MACO1: variants seen among roughly 807,000 people sequenced by gnomAD.
The protein encoded by MACO1 is macoilin.
A neutral mutation model predicts 78.7 loss-of-function variants in MACO1; 14 were observed. That is an observed-to-expected ratio of 0.18 (90% confidence interval 0.12 to 0.28). MACO1 has a LOEUF of 0.28. MACO1 is among the 10% of genes least tolerant of loss of function. The pLI, the probability that MACO1 is intolerant of heterozygous loss-of-function variation, is 1.00. For missense variants in MACO1, 501 were observed against 799.0 expected, an observed-to-expected ratio of 0.63 and a Z score of 4.50; for synonymous variants, 288 against 291.6, an observed-to-expected ratio of 0.99 and a Z score of 0.12.
chr1:25,467,493 A>G (rs2043230021), intron 6 of MACO1, among the ~76,000 whole-genome samples: 2 of 152,208 alleles, frequency 1.3e-5, no homozygotes, highest in South Asian at 4.1e-4. Context: ...CAAAATACTA[A>G]GTGATCCATA....
At chr1:25,497,210 G>A (rs1338569112) in intron 10 of MACO1, among the ~76,000 whole-genome samples, 2 of 151,902 alleles carry the variant, frequency 1.3e-5, no homozygotes, top group African/African-American at 4.8e-5. Context: ...GAGAAACCCC[G>A]TCTCTACTAA....
rs1220404125 is a variant in MACO1, at chr1:25,431,017, G to A, written c.-82G>A. Reference sequence around the variant, plus strand: ...GGCCTCAGGGGTAGAGTCCAGGCCCGACGCGGGGCGGGCCAGCGGCGGCGG... The same window carrying A: ...GGCCTCAGGGGTAGAGTCCAGGCCCAACGCGGGGCGGGCCAGCGGCGGCGG... On this transcript the variant is annotated 5_prime_UTR_variant, in exon 1 of 11. Coordinates refer to ENST00000374343, the MANE Select transcript of MACO1 (RefSeq NM_018202.6). The A allele has an allele frequency of 2.8e-6, 3 of 1,067,658 alleles. No homozygotes were observed. Among genetic ancestry groups the A allele is most frequent in the Non-Finnish European group, 3.7e-6 (3 of 802,858 alleles). The allele number at this position is 1,067,658 out of a possible 1,614,324, so 66.1% of individuals were successfully genotyped here. A position where few individuals can be genotyped will look rare whatever the true frequency, so the allele number is the denominator to read the frequency against.
chr1:25,486,054 G>A (rs1460331793), intron 8 of MACO1, among the ~76,000 whole-genome samples: 1 of 152,176 alleles, frequency 6.6e-6, no homozygotes, highest in Non-Finnish European at 1.5e-5. Flanking sequence ...GGGAGGCAAA[G>A]TACTGCTCAT....
In MACO1 at chr1:25,448,815, C is replaced by A; in HGVS notation, c.230C>A (p.Ser77Ter). Residue 77 changes from serine to a stop codon, truncating the protein, a stop_gained, in exon 3 of 11, where the codon TCA becomes TAA. Coordinates refer to ENST00000374343, the MANE Select transcript of MACO1 (RefSeq NM_018202.6). LOFTEE classifies it high-confidence loss of function. ...DSFRYQGLAF[S>*]VFFVCVAFTS... ...TTTTATTTTTCCCTTTAGGCCTTCT[C>A]AGTATTTTTTGTTTGTGTAGCATTC... 1 of 1,542,254 alleles carries A rather than the reference C, an allele frequency of 6.5e-7. No homozygotes were observed. The highest frequency in any genetic ancestry group is 8.8e-7 in the Non-Finnish European group (1 of 1,130,956).
intron 1 of MACO1, among the ~76,000 whole-genome samples, chr1:25,442,788 T>G (rs2042983752): frequency 6.6e-6 from 1 of 152,200 alleles, no homozygotes; most frequent in Non-Finnish European, 1.5e-5. Flanking sequence ...TAAGACTGCT[T>G]AATTTCATTG....
intron 3 of MACO1, among the ~76,000 whole-genome samples, 181 bp from the exon 4 acceptor site, chr1:25,454,078 C>G (rs553530259): frequency 7.2e-5 from 11 of 152,026 alleles, no homozygotes; most frequent in Non-Finnish European, 1.3e-4. Flanking sequence ...TTATTTTTGT[C>G]AGCGATTCTG....
chr1:25,446,474 A>T (rs2043016161), intron 1 of MACO1, among the ~76,000 whole-genome samples: 1 of 152,218 alleles, frequency 6.6e-6, no homozygotes, highest in Non-Finnish European at 1.5e-5. Context: ...TCAGACACTT[A>T]GCACATTTTT....
At chr1:25,440,739 G>A (rs1189202279) in intron 1 of MACO1, among the ~76,000 whole-genome samples, 4 of 143,672 alleles carry the variant, frequency 2.8e-5, no homozygotes, top group Non-Finnish European at 6.0e-5. Context: ...TTGCACTCCA[G>A]CCTGGGCGAC....
At chr1:25,442,062 G>A (rs957760845) in intron 1 of MACO1, among the ~76,000 whole-genome samples, 6 of 152,166 alleles carry the variant, frequency 3.9e-5, no homozygotes, top group Non-Finnish European at 8.8e-5. Context: ...CTAGGGATCT[G>A]GTTAAAATGC....
chr1:25,443,541 T>C (rs2042989824), intron 1 of MACO1, among the ~76,000 whole-genome samples: 1 of 152,162 alleles, frequency 6.6e-6, no homozygotes, highest in Non-Finnish European at 1.5e-5. Flanking sequence ...AAGCAGTTGT[T>C]TGAAAAGAAA....
chr1:25,490,978 T>C (rs556723912), intron 9 of MACO1, among the ~76,000 whole-genome samples: 1 of 152,348 alleles, frequency 6.6e-6, no homozygotes, highest in South Asian at 2.1e-4. Flanking sequence ...ATATATTAAT[T>C]GTTTACATTA....
intron 10 of MACO1, among the ~76,000 whole-genome samples, chr1:25,494,759 G>C (rs990206282): frequency 2.6e-5 from 4 of 152,212 alleles, no homozygotes; most frequent in Non-Finnish European, 5.9e-5. Flanking sequence ...AAGGAAGGGA[G>C]AGCAGAACAG....
At chr1:25,453,349 C>T (rs1328715312) in intron 3 of MACO1, among the ~76,000 whole-genome samples, 3 of 149,800 alleles carry the variant, frequency 2.0e-5, no homozygotes, top group Non-Finnish European at 4.4e-5. Flanking sequence ...TTTTATGTTT[C>T]TATGGGGTAG....
chr1:25,459,007 C>T (rs974950417), intron 6 of MACO1, 115 bp downstream of exon 6: 4 of 1,325,868 alleles, frequency 3.0e-6, no homozygotes, highest in Admixed American at 2.4e-5. Flanking sequence ...TGACTAGTGA[C>T]GTGTGGTGTT....
Position 25,454,521 on chromosome 1 carries a change from TCA to T in MACO1, c.473+141_473+142del, listed in dbSNP as rs201190637. 6.5e-3 allele frequency: 1,271 copies of T among 194,398 alleles called. 15 individuals are homozygous for T. Among genetic ancestry groups the T allele is most frequent in the African/African-American group, 0.028 (1,151 of 41,192 alleles). The allele number at this position is 194,398 out of a possible 1,614,324, so 12.0% of individuals were successfully genotyped here. A position where few individuals can be genotyped will look rare whatever the true frequency, so the allele number is the denominator to read the frequency against. ...TTTTTTTAGACGGAGTCTTGCTCTG[TCA>T]CCCAGGCTGGAATGCAGTGGCACGA... On this transcript the variant is annotated intron_variant, in intron 4 of 10. Coordinates refer to ENST00000374343, the MANE Select transcript of MACO1 (RefSeq NM_018202.6).
intron 6 of MACO1, among the ~76,000 whole-genome samples, chr1:25,470,586 C>T (rs1429701847): frequency 6.6e-6 from 1 of 152,054 alleles, no homozygotes; most frequent in Non-Finnish European, 1.5e-5. Flanking sequence ...TGGGGAACCA[C>T]AGTAGTTAAG....
Position 25,448,879 on chromosome 1 carries a change from G to A in MACO1, c.294G>A (p.Gln98=). The change falls in exon 3 of 11, where the codon CAG becomes CAA. Residue 98 remains glutamine (Q), a synonymous_variant. Coordinates refer to ENST00000374343, the MANE Select transcript of MACO1 (RefSeq NM_018202.6). ...TATGCCTGCTGTTCATCCCCATACA[G>A]TGGCTTTTTTTTGCTGCTAGCACAT... ...NIICLLFIPI[Q]WLFFAASTYV... is the part of the protein sequence containing the mutation. 6.4e-7 allele frequency: 1 copy of A among 1,553,716 alleles called. No homozygotes were observed. Among genetic ancestry groups the A allele is most frequent in the South Asian group, 1.2e-5 (1 of 80,772 alleles).
At chr1:25,440,231 A>C (rs1197592203) in intron 1 of MACO1, among the ~76,000 whole-genome samples, 1 of 32,138 alleles carries the variant, frequency 3.1e-5, no homozygotes, top group African/African-American at 1.4e-4. Context: ...CCATCTCTAC[A>C]AAAAAAAAAA....
At chr1:25,442,891 T>C (rs1326712072) in intron 1 of MACO1, among the ~76,000 whole-genome samples, 1 of 152,220 alleles carries the variant, frequency 6.6e-6, no homozygotes, top group African/African-American at 2.4e-5. Context: ...GTTGCAGTTA[T>C]GCTTTAAAAT....
Sources: allele counts gnomAD v4.1 joint callset (sites outside exome capture counted in the v4.1 genomes callset), GRCh38; gene constraint gnomAD v4.1.1; transcripts MANE v1.5; gene names NCBI Gene and HGNC (gene_info 2026-07-23, HGNC 2026-07-21).